The following PPP2R2B variants were observed in gnomAD, a reference collection of about 807,000 sequenced individuals.
The protein encoded by PPP2R2B is serine/threonine-protein phosphatase 2A 55 kDa regulatory subunit B beta isoform.
PPP2R2B carries 5 observed loss-of-function variants against 46.0 expected under a neutral mutation model. The ratio of observed to expected loss-of-function variants is 0.11; its 90% CI spans 0.06 to 0.23. The LOEUF is 0.23. Among genes scored for constraint, PPP2R2B ranks in the 10% least tolerant of loss-of-function variants. The probability of loss-of-function intolerance (pLI) is 1.00; values close to 1 mark genes in which losing one functional copy is unlikely to be tolerated. For synonymous variants in PPP2R2B, 215 were observed against 206.7 expected (o/e 1.04, Z -0.34); for missense variants, 367 against 575.0 (o/e 0.64, Z 3.70).
intron 3 of PPP2R2B, 137 bp from the exon 4 acceptor site, chr5:146,698,281 T>G: frequency 3.8e-6 from 1 of 265,746 alleles, no homozygotes; most frequent in Non-Finnish European, 6.4e-6. Flanking sequence ...AGGGCCATGA[T>G]AGTCACTAGC....
chr5:146,828,927 G>A (rs905967831), intron 2 of PPP2R2B, among the ~76,000 whole-genome samples: 1 of 152,104 alleles, frequency 6.6e-6, no homozygotes, highest in African/African-American at 2.4e-5. Context: ...AATACAATTT[G>A]GCTATTATTC....
At chr5:146,740,618 C>G (rs942306699) in intron 2 of PPP2R2B, among the ~76,000 whole-genome samples, 46 of 122,254 alleles carry the variant, frequency 3.8e-4, no homozygotes, top group Middle Eastern at 4.3e-3. Flanking sequence ...CACACACACA[C>G]ACACAGATAA....
intron 1 of PPP2R2B, among the ~76,000 whole-genome samples, chr5:146,894,021 G>A (rs1286590337): frequency 2.0e-5 from 3 of 152,114 alleles, no homozygotes; most frequent in African/African-American, 7.2e-5. Flanking sequence ...ACTCCAGCCT[G>A]GGCAATAGAG....
chr5:146,800,876 CAACAGATG>C (rs1416516885), intron 2 of PPP2R2B, among the ~76,000 whole-genome samples: 3 of 151,690 alleles, frequency 2.0e-5, no homozygotes, highest in African/African-American at 7.3e-5. Context: ...AAATGTCTGT[CAACAGATG>C]AATGGATGAA....
intron 2 of PPP2R2B, among the ~76,000 whole-genome samples, chr5:146,873,522 T>C (rs910135341): frequency 1.3e-5 from 2 of 152,214 alleles, no homozygotes; most frequent in Non-Finnish European, 2.9e-5. Context: ...CAGTCTTTTT[T>C]TCCCCCAACA....
chr5:146,936,152 TGTTGACATTTTGGGGTA>T (rs1441136403), intron 1 of PPP2R2B, among the ~76,000 whole-genome samples: 2 of 152,116 alleles, frequency 1.3e-5, no homozygotes, highest in Non-Finnish European at 2.9e-5. Flanking sequence ...GAGCCACATA[TGTTGACATTTTGGGGTA>T]GGGTAACTTC....
chr5:146,780,001 T>C (rs1041483377), intron 2 of PPP2R2B, among the ~76,000 whole-genome samples: 4 of 152,188 alleles, frequency 2.6e-5, no homozygotes, highest in South Asian at 2.1e-4. Context: ...CTGTATTCCA[T>C]AGAGTAGCTC....
chr5:146,701,027 G>C lies in PPP2R2B; in HGVS notation c.168+18C>G. On this transcript the variant is annotated intron_variant, in intron 3 of 9. Coordinates refer to ENST00000394411, the MANE Select transcript of PPP2R2B (RefSeq NM_181675.4). ...AAAAAGTGAAGAAAATGGGCATTTT[G>C]CATTCACCACCACTTACCTCCTGCT... The C allele has an allele frequency of 6.3e-7, 1 of 1,584,344 alleles. No homozygotes were observed. Among genetic ancestry groups the C allele is most frequent in the Non-Finnish European group, 8.7e-7 (1 of 1,153,042 alleles).
chr5:146,633,322 G>A (rs899456184), intron 7 of PPP2R2B, among the ~76,000 whole-genome samples: 1 of 152,234 alleles, frequency 6.6e-6, no homozygotes, highest in Non-Finnish European at 1.5e-5. Context: ...AAAAGCCAAT[G>A]TTGCTTTTCA....
chr5:146,848,053 G>C (rs1481166788), intron 2 of PPP2R2B, among the ~76,000 whole-genome samples: 1 of 152,124 alleles, frequency 6.6e-6, no homozygotes, highest in Non-Finnish European at 1.5e-5. Flanking sequence ...CCCAATAGCT[G>C]TCCATACTCC....
At chr5:147,007,293 G>A (rs1001307389) in intron 1 of PPP2R2B, among the ~76,000 whole-genome samples, 1 of 152,300 alleles carries the variant, frequency 6.6e-6, no homozygotes, top group Admixed American at 6.5e-5. Context: ...GGGGGATTGA[G>A]AGGTGAAGCC....
chr5:146,657,319 A>T (rs1453178442), intron 5 of PPP2R2B, among the ~76,000 whole-genome samples: 2 of 152,200 alleles, frequency 1.3e-5, no homozygotes, highest in Admixed American at 1.3e-4. Context: ...TCAAGGCAAG[A>T]CTCGGAGAAG....
intron 2 of PPP2R2B, among the ~76,000 whole-genome samples, chr5:146,848,271 T>C (rs1367299671): frequency 6.6e-6 from 1 of 152,228 alleles, no homozygotes; most frequent in African/African-American, 2.4e-5. Flanking sequence ...CTTATGTTAG[T>C]GTGGTACGTT....
At chr5:146,653,656 T>C (rs1776135197) in intron 5 of PPP2R2B, among the ~76,000 whole-genome samples, 1 of 152,068 alleles carries the variant, frequency 6.6e-6, no homozygotes, top group Non-Finnish European at 1.5e-5. Flanking sequence ...TGTGGCGACA[T>C]GGGAGGGAGC....
intron 7 of PPP2R2B, chr5:146,607,619 T>G (rs1772415943): frequency 1.3e-5 from 2 of 152,244 alleles, no homozygotes; most frequent in Non-Finnish European, 2.9e-5. Context: ...ATACTTCTTT[T>G]ACAACATGTC....
chr5:146,938,026 AG>A (rs1373481846), intron 1 of PPP2R2B, among the ~76,000 whole-genome samples: 1 of 152,174 alleles, frequency 6.6e-6, no homozygotes, highest in Non-Finnish European at 1.5e-5. Flanking sequence ...GCAGTTAGCA[AG>A]GGCAACTGGT....
intron 2 of PPP2R2B, among the ~76,000 whole-genome samples, chr5:146,805,149 G>T (rs998005447): frequency 3.9e-5 from 6 of 152,150 alleles, no homozygotes; most frequent in Non-Finnish European, 7.4e-5. Context: ...ATAGAATGCA[G>T]GTCAAACTGT....
chr5:146,905,793 C>T (rs1000878388), intron 1 of PPP2R2B, among the ~76,000 whole-genome samples: 1 of 152,100 alleles, frequency 6.6e-6, no homozygotes, highest in Non-Finnish European at 1.5e-5. Context: ...AAAGACAAAA[C>T]TATAGAGTCA....
chr5:146,992,795 T>A (rs565926250), intron 1 of PPP2R2B, among the ~76,000 whole-genome samples: 2 of 152,214 alleles, frequency 1.3e-5, no homozygotes, highest in Non-Finnish European at 2.9e-5. Flanking sequence ...CAGACTCTTA[T>A]AGGTGAAAGC....
Sources: gnomAD v4.1 joint callset for allele counts (sites outside exome capture counted in the v4.1 genomes callset) on GRCh38, gnomAD v4.1.1 for gene constraint, MANE v1.5 for transcripts, NCBI Gene and HGNC (gene_info 2026-07-23, HGNC 2026-07-21) for gene names.